The following PPP1R42 variants were observed in gnomAD, a reference collection of about 807,000 sequenced individuals.
PPP1R42 encodes the protein protein phosphatase 1 regulatory subunit 42.
A neutral mutation model predicts 31.0 loss-of-function variants in PPP1R42; 34 were observed. The observed-to-expected ratio is 1.10, with a 90% CI of 0.83 to 1.46. The LOEUF is 1.46. Ranked by LOEUF, PPP1R42 falls within the 40% of genes most tolerant of loss-of-function variation. The pLI is 0.00. For synonymous variants in PPP1R42, 103 were observed against 109.8 expected (o/e 0.94, Z 0.39); for missense variants, 268 against 303.0 (o/e 0.88, Z 0.86).
At chr8:66,987,796 A>G (rs1815068612) in intron 6 of PPP1R42, among the ~76,000 whole-genome samples, 1 of 152,224 alleles carries the variant, frequency 6.6e-6, no homozygotes, top group African/African-American at 2.4e-5. Flanking sequence ...TAAAAAACAT[A>G]AAATGACTCC....
intron 7 of PPP1R42, among the ~76,000 whole-genome samples, chr8:66,976,229 T>A (rs546978462): frequency 1.3e-5 from 2 of 152,092 alleles, no homozygotes; most frequent in African/African-American, 4.8e-5. Context: ...TACTCCCAGA[T>A]AGGATCATCT....
rs185284063 is a variant in PPP1R42 at position 66,982,074 on chromosome 8, A to G, written c.777T>C (p.Asn259=). Reference sequence around the variant, plus strand: ...TTATGAGTGAATTGCTTGCATCCTCATTTTTACTGCTCCTTTTTTTGCTGA... The same window carrying G: ...TTATGAGTGAATTGCTTGCATCCTCGTTTTTACTGCTCCTTTTTTTGCTGA... ...KKISKKRSSK[N]EDASNSLIRI... The change falls in exon 7 of 8, where the codon AAT becomes AAC. Residue 259 remains asparagine (N), a synonymous_variant. Coordinates refer to ENST00000685739, the MANE Select transcript of PPP1R42 (RefSeq NM_001364910.1). 5.0e-5 allele frequency: 74 copies of G among 1,485,454 alleles called. No individual in the cohort carries two copies. The highest frequency in any genetic ancestry group is 3.2e-4 in the Admixed American group (13 of 40,844). The allele number at this position is 1,485,454 out of a possible 1,614,324, so 92.0% of individuals were successfully genotyped here.
chr8:66,988,954 G>GT (rs1815108362), intron 5 of PPP1R42, among the ~76,000 whole-genome samples: 1 of 150,258 alleles, frequency 6.7e-6, no homozygotes, highest in Admixed American at 6.6e-5. Context: ...TTTTTTAAGT[G>GT]TTAAAAAAAA....
chr8:67,010,212 C>T (rs1815803137), intron 5 of PPP1R42, among the ~76,000 whole-genome samples: 2 of 152,162 alleles, frequency 1.3e-5, no homozygotes, highest in Non-Finnish European at 2.9e-5. Context: ...GTGGCCAATA[C>T]ATATTTGATT....
At chr8:66,986,250 G>T in intron 6 of PPP1R42, 3 of 509,846 alleles carry the variant, frequency 5.9e-6, no homozygotes, top group Non-Finnish European at 1.1e-5. Context: ...TGACATCACT[G>T]ATAAATTAGG....
chr8:66,970,745 G>A (rs1814515464), intron 7 of PPP1R42: 5 of 507,306 alleles, frequency 9.9e-6, no homozygotes, highest in Middle Eastern at 2.9e-4. Flanking sequence ...CTCAGTGGGT[G>A]TATCCAGTCT....
At chr8:66,991,362 T>C (rs1409685223) in intron 5 of PPP1R42, among the ~76,000 whole-genome samples, 2 of 152,206 alleles carry the variant, frequency 1.3e-5, no homozygotes, top group African/African-American at 4.8e-5. Context: ...TCTAATAATT[T>C]TTATACATTG....
chr8:67,023,148 C>G (rs1816277893), intron 1 of PPP1R42, among the ~76,000 whole-genome samples: 1 of 129,598 alleles, frequency 7.7e-6, no homozygotes, highest in African/African-American at 3.9e-5. Flanking sequence ...GTTTTTGAGA[C>G]AGGGTCTCGC....
intron 5 of PPP1R42, among the ~76,000 whole-genome samples, chr8:66,992,009 A>G (rs143851366): frequency 8.5e-5 from 13 of 152,246 alleles, no homozygotes; most frequent in African/African-American, 2.9e-4. Flanking sequence ...TGCTTCTTCA[A>G]CCACTGGGCA....
intron 1 of PPP1R42, among the ~76,000 whole-genome samples, 173 bp from the exon 2 acceptor site, chr8:67,018,004 A>T (rs912637553): frequency 2.6e-5 from 4 of 152,244 alleles, no homozygotes; most frequent in African/African-American, 9.6e-5. Context: ...CTTCATAAAA[A>T]GATTTAAAGC....
At chr8:67,008,474 G>A (rs991912625) in intron 5 of PPP1R42, among the ~76,000 whole-genome samples, 28 of 152,112 alleles carry the variant, frequency 1.8e-4, no homozygotes, top group African/African-American at 6.8e-4. Flanking sequence ...TTGGGAGGCC[G>A]AGGCAGGTGG....
At chr8:66,967,464 A>G (rs1805845740) in intron 7 of PPP1R42, among the ~76,000 whole-genome samples, 1 of 152,250 alleles carries the variant, frequency 6.6e-6, no homozygotes, top group South Asian at 2.1e-4. Context: ...AAAATTTGCA[A>G]GTGAGTTTAT....
chr8:67,023,125 C>G (rs55917340), intron 1 of PPP1R42, among the ~76,000 whole-genome samples: 3 of 128,514 alleles, frequency 2.3e-5, no homozygotes, highest in African/African-American at 3.9e-5. Context: ...TTTGTTTTTT[C>G]ATTTGTTTGT....
intron 5 of PPP1R42, among the ~76,000 whole-genome samples, chr8:66,999,382 A>G (rs1585662550): frequency 6.6e-6 from 1 of 152,132 alleles, no homozygotes; most frequent in Non-Finnish European, 1.5e-5. Flanking sequence ...CACCACACCC[A>G]GCTAATTTTT....
intron 1 of PPP1R42, among the ~76,000 whole-genome samples, chr8:67,020,189 T>C (rs984450315): frequency 1.3e-5 from 2 of 149,636 alleles, no homozygotes; most frequent in African/African-American, 5.1e-5. Context: ...TGTTGTGTTT[T>C]GTTTTTGTTG....
chr8:66,987,698 G>A (rs908696043), intron 6 of PPP1R42, among the ~76,000 whole-genome samples: 1 of 151,548 alleles, frequency 6.6e-6, no homozygotes, highest in Non-Finnish European at 1.5e-5. Context: ...ATTTTAATAA[G>A]TTTCTCTCAA....
At chr8:67,002,492 C>T (rs1368602597) in intron 5 of PPP1R42, among the ~76,000 whole-genome samples, 2 of 152,204 alleles carry the variant, frequency 1.3e-5, no homozygotes, top group Non-Finnish European at 2.9e-5. Context: ...AGCCACTGTG[C>T]CTGGCTTTTA....
rs372645413 is a variant in PPP1R42 at position 67,009,068 on chromosome 8, C to T, written c.552+1647G>A. ...GGCAGATCACTTGAGCTCAGGAGTT[C>T]GAGACCAGCCTGGCCAACATGGTGA... On this transcript the variant is annotated intron_variant, in intron 5 of 7. Coordinates refer to ENST00000685739, the MANE Select transcript of PPP1R42 (RefSeq NM_001364910.1). Among the ~76,000 whole-genome samples the T allele has an allele frequency of 1.0e-3, 152 of 152,044 alleles. 4 individuals are homozygous for T. In the East Asian group the frequency reaches 0.015, roughly 15 times the overall value.
Position 66,982,193 on chromosome 8 carries a change from A to G in PPP1R42, c.671-13T>C, listed in dbSNP as rs951548125. 11 of 1,316,126 alleles carry G rather than the reference A, an allele frequency of 8.4e-6. No homozygotes were observed. Among genetic ancestry groups the G allele is most frequent in the African/African-American group, 7.5e-5 (5 of 66,594 alleles). 81.5% of individuals were successfully genotyped at this position (1,316,126 alleles called of 1,614,324 possible). On this transcript the variant is annotated splice_polypyrimidine_tract_variant and intron_variant, in intron 6 of 7. Coordinates refer to ENST00000685739, the MANE Select transcript of PPP1R42 (RefSeq NM_001364910.1). ...CCATCAAGAAATTCTGGAGAAAAAT[A>G]CATACATTTAAAAAATACAATATAT...
Sources: gnomAD v4.1 joint callset for allele counts (sites outside exome capture counted in the v4.1 genomes callset) on GRCh38, gnomAD v4.1.1 for gene constraint, MANE v1.5 for transcripts, NCBI Gene and HGNC (gene_info 2026-07-23, HGNC 2026-07-21) for gene names.